The following IQSEC1 variants were observed in gnomAD, a reference collection of about 807,000 sequenced individuals.
IQSEC1 encodes IQ motif and Sec7 domain ArfGEF 1.
IQSEC1 carries 31 observed loss-of-function variants against 91.0 expected under a neutral mutation model. The observed-to-expected ratio is 0.34, with a 90% confidence interval of 0.26 to 0.46. The LOEUF (loss-of-function observed/expected upper bound fraction) is 0.46, where lower values mean the gene tolerates loss of function less well. Among genes scored for constraint, IQSEC1 ranks in the 20% least tolerant of loss-of-function variants. IQSEC1 has a pLI of 1.00. For synonymous variants in IQSEC1, 699 were observed against 662.6 expected, an observed-to-expected ratio of 1.05 and a Z score of -0.84; for missense variants, 1,388 against 1,575.6, an observed-to-expected ratio of 0.88 and a Z score of 2.02.
intron 1 of IQSEC1, among the ~76,000 whole-genome samples, chr3:12,944,120 T>C (rs1312842576): frequency 1.3e-5 from 2 of 152,150 alleles, no homozygotes; most frequent in East Asian, 3.9e-4. Context: ...AGTAACACGG[T>C]GGGCTGGACT....
intron 2 of IQSEC1, among the ~76,000 whole-genome samples, chr3:13,104,269 G>C (rs1248838296): frequency 2.0e-5 from 3 of 152,116 alleles, no homozygotes; most frequent in South Asian, 2.1e-4. Context: ...CAGTCTGTTG[G>C]GGCAAATCTA....
At chr3:13,209,386 C>G (rs1014518184) in intron 1 of IQSEC1, among the ~76,000 whole-genome samples, 1 of 152,232 alleles carries the variant, frequency 6.6e-6, no homozygotes, top group Non-Finnish European at 1.5e-5. Flanking sequence ...TAATGTATTC[C>G]TTTCCCAGGG....
At chr3:12,902,938 T>G (rs935293223) in intron 12 of IQSEC1, 116 bp from the exon 13 acceptor site, 21 of 801,002 alleles carry the variant, frequency 2.6e-5, no homozygotes, top group Middle Eastern at 2.4e-4. Flanking sequence ...CAGGCACAGG[T>G]GCCGGGCCCA....
At chr3:13,166,864 T>C (rs1693506769) in intron 1 of IQSEC1, among the ~76,000 whole-genome samples, 1 of 152,132 alleles carries the variant, frequency 6.6e-6, no homozygotes, top group East Asian at 1.9e-4. Flanking sequence ...CAACACACAG[T>C]GGAGTCATCT....
intron 1 of IQSEC1, among the ~76,000 whole-genome samples, chr3:12,945,332 G>A (rs1699107836): frequency 6.6e-6 from 1 of 152,054 alleles, no homozygotes; most frequent in African/African-American, 2.4e-5. Flanking sequence ...ATGCTTGGGA[G>A]TGGCCGGGCC....
Position 12,900,018 on chromosome 3 carries a change from G to C in IQSEC1, c.*965C>G. 4.1e-6 allele frequency: 4 copies of C among 985,402 alleles called. No homozygotes were observed. Among genetic ancestry groups the C allele is most frequent in the Non-Finnish European group, 4.8e-6 (4 of 829,934 alleles). 61.0% of individuals were successfully genotyped at this position (985,402 alleles called of 1,614,324 possible). On this transcript the variant is annotated 3_prime_UTR_variant, in exon 14 of 14. Transcript: ENST00000613206. ...TTATCGCAGCCATTAAAGTGTCTAA[G>C]AATCCGTGTAACCAATGTCCTAAGA...
chr3:13,095,535 T>C (rs181722), intron 2 of IQSEC1, among the ~76,000 whole-genome samples: 143,278 of 152,160 alleles, frequency 0.94, 67,511 homozygotes, highest in East Asian at 1. Flanking sequence ...GAGGCCGAGT[T>C]GCTTCCTGCT....
chr3:12,935,872 A>G lies in IQSEC1; in HGVS notation c.1144T>C (p.Ser382Pro). ...SDSSVDLSDR[S>P]ERGSLKRQSA... is the part of the protein sequence containing the mutation. Reference sequence around the variant, plus strand: ...TGCCTCTTGAGTGACCCCCGCTCCGAGCGGTCACTAAGGTCCACAGAGCTG... The same window carrying G: ...TGCCTCTTGAGTGACCCCCGCTCCGGGCGGTCACTAAGGTCCACAGAGCTG... Residue 382 changes from serine to proline, a missense_variant, in exon 3 of 14, where the codon TCG (serine) becomes CCG (proline). By Grantham distance (74) the Ser-to-Pro change is moderately conservative. Coordinates refer to ENST00000613206, the MANE Select transcript of IQSEC1 (RefSeq NM_001134382.3). The surrounding 1 kb of genome is among the most constrained non-coding windows in gnomAD (Gnocchi z 8.0). 1 of 1,606,432 alleles carries G rather than the reference A, an allele frequency of 6.2e-7. No individual in the cohort carries two copies.
At chr3:13,278,727 G>A (rs371994537) in intron 1 of IQSEC1, among the ~76,000 whole-genome samples, 1 of 151,688 alleles carries the variant, frequency 6.6e-6, no homozygotes, top group Non-Finnish European at 1.5e-5. Flanking sequence ...GCTGAGGCAG[G>A]AGAATTGCTT....
chr3:13,038,840 C>T (rs1442119713), intron 1 of IQSEC1, among the ~76,000 whole-genome samples: 3 of 152,274 alleles, frequency 2.0e-5, no homozygotes, highest in Admixed American at 6.5e-5. Flanking sequence ...TTTCACATTG[C>T]GTGCCTGTGT....
chr3:13,248,216 G>A (rs1191580804), intron 1 of IQSEC1, among the ~76,000 whole-genome samples: 2 of 152,192 alleles, frequency 1.3e-5, no homozygotes, highest in Non-Finnish European at 2.9e-5. Flanking sequence ...CAAGGCCACT[G>A]GAAATCCAGC....
rs556069949 is a variant in IQSEC1, at chr3:13,143,470, G to C, written c.302+20634C>G. 2.6e-3 allele frequency among the ~76,000 whole-genome samples: 398 copies of C among 152,364 alleles called. 5 individuals carry two copies. Among genetic ancestry groups the C allele is most frequent in the African/African-American group, 9.0e-3 (374 of 41,586 alleles). On this transcript the variant is annotated intron_variant, in intron 2 of 15. Transcript: ENST00000648114. Reference sequence around the variant, plus strand: ...GGAAGTGATGCACAGAGGACGCAGAGCCTTGGCCCTGAACCTGCTCTCTCA... The same window carrying C: ...GGAAGTGATGCACAGAGGACGCAGACCCTTGGCCCTGAACCTGCTCTCTCA...
Position 12,900,400 on chromosome 3 carries a change from G to A in IQSEC1, c.*583C>T. The A allele has an allele frequency of 1.0e-6, 1 of 984,264 alleles. No individual in the cohort carries two copies. Among genetic ancestry groups the A allele is most frequent in the Non-Finnish European group, 1.2e-6 (1 of 829,684 alleles). The allele number at this position is 984,264 out of a possible 1,614,324, so 61.0% of individuals were successfully genotyped here. The stretch of plus-strand genomic sequence containing the variant: ...TGGAGCTCCTTGTAAGGTGGGTATT[G>A]CTAATGTGGACTGAAACGCCTGCCT... On this transcript the variant is annotated 3_prime_UTR_variant, in exon 14 of 14. Coordinates refer to ENST00000613206, the MANE Select transcript of IQSEC1 (RefSeq NM_001134382.3).
chr3:13,219,456 T>C (rs1020766489), intron 1 of IQSEC1, among the ~76,000 whole-genome samples: 16 of 152,306 alleles, frequency 1.1e-4, no homozygotes, highest in African/African-American at 3.6e-4. Flanking sequence ...TGGCCCCAAA[T>C]TGGGATGGCC....
chr3:13,034,062 G>T (rs1044978147), intron 1 of IQSEC1, among the ~76,000 whole-genome samples: 2 of 152,186 alleles, frequency 1.3e-5, no homozygotes, highest in Admixed American at 6.5e-5. Flanking sequence ...CCTCTTTAAA[G>T]ACCTTATTTC....
intron 1 of IQSEC1, among the ~76,000 whole-genome samples, chr3:12,946,985 A>T (rs1699221256): frequency 6.6e-6 from 1 of 152,236 alleles, no homozygotes; most frequent in Non-Finnish European, 1.5e-5. Flanking sequence ...TCCTTCCAAC[A>T]CAGCACTCCA....
chr3:13,080,351 A>T (rs1437277301), intron 2 of IQSEC1, among the ~76,000 whole-genome samples: 1 of 151,434 alleles, frequency 6.6e-6, no homozygotes, highest in African/African-American at 2.4e-5. Context: ...GGGAGAGGAG[A>T]GATGGGGTGG....
At position 13,000,107 on chromosome 3, in the gene IQSEC1, A is replaced by G. The variant is rs183878207; in HGVS notation, c.24-58242T>C. Among the ~76,000 whole-genome samples the G allele has an allele frequency of 4.9e-4, 74 of 152,360 alleles. No homozygotes were observed. In the East Asian group the frequency reaches 0.013, roughly 28 times the overall value. ...ATACTATTCCCTTGGTTTCCTCCAT[A>G]TATAAAGAGTTATTCCAAATCAATC... is the stretch of plus-strand genomic sequence containing the variant. On this transcript the variant is annotated intron_variant, in intron 1 of 13. Transcript: ENST00000613206.
chr3:13,071,476 G>C (rs919031236), intron 1 of IQSEC1, among the ~76,000 whole-genome samples: 1 of 152,152 alleles, frequency 6.6e-6, no homozygotes, highest in Non-Finnish European at 1.5e-5. Flanking sequence ...CAGGCTCCTG[G>C]GCCCAGGCAA....
Sources: gnomAD v4.1 joint callset for allele counts (sites outside exome capture counted in the v4.1 genomes callset) on GRCh38, gnomAD v4.1.1 for gene constraint, Gnocchi (gnomAD v3.1) non-coding constraint, MANE v1.5 for transcripts, NCBI Gene and HGNC (gene_info 2026-07-23, HGNC 2026-07-21) for gene names.